The following GRK1 variants were observed in gnomAD, a reference collection of about 807,000 sequenced individuals.
GRK1 encodes the protein rhodopsin kinase GRK1.
A neutral mutation model predicts 41.7 loss-of-function variants in GRK1; 28 were observed. The observed-to-expected ratio is 0.67, with a 90% CI of 0.50 to 0.92. GRK1 has a LOEUF of 0.92. GRK1 is among the 40% of genes least tolerant of loss of function. The pLI is 0.00. For missense variants in GRK1, 703 were observed against 671.2 expected (o/e 1.05, Z -0.52); for synonymous variants, 327 against 286.7 (o/e 1.14, Z -1.42).
chr13:113,663,308 G>T (rs1458883655), upstream of GRK1, among the ~76,000 whole-genome samples: 1 of 152,198 alleles, frequency 6.6e-6, no homozygotes, highest in East Asian at 1.9e-4. Context: ...GGAGGAAAAA[G>T]ACCTTCAACC....
the GRK1 span, chr13:113,657,943 C>T: frequency 8.9e-7 from 1 of 1,119,338 alleles, no homozygotes; most frequent in South Asian, 1.4e-5. Flanking sequence ...GTCAGGGGCC[C>T]TCTGCTCCCC....
intron 4 of GRK1, among the ~76,000 whole-genome samples, chr13:113,729,065 G>A (rs891168510): frequency 2.6e-5 from 4 of 152,162 alleles, no homozygotes; most frequent in African/African-American, 7.2e-5. Context: ...GTCAGGCCGC[G>A]GTGAAGGGAG....
chr13:113,653,689 T>G, the GRK1 span, among the ~76,000 whole-genome samples: 1 of 152,148 alleles, frequency 6.6e-6, no homozygotes, highest in Non-Finnish European at 1.5e-5. Flanking sequence ...TGGCTGGCTC[T>G]CTCCACCGGG....
chr13:113,653,373 A>G, the GRK1 span: 7 of 1,614,096 alleles, frequency 4.3e-6, no homozygotes, highest in African/African-American at 6.7e-5. Context: ...TTCTGTTATC[A>G]GAGACGTTGT....
At chr13:113,656,129 G>A in the GRK1 span, among the ~76,000 whole-genome samples, 2 of 152,178 alleles carry the variant, frequency 1.3e-5, no homozygotes, top group Admixed American at 6.5e-5. Context: ...AGCAGTGTGG[G>A]GCCCGCAGTG....
rs1398661433 is a variant in GRK1 at position 113,731,418 on chromosome 13, G to C, written c.1194+75G>C. 2 of 1,521,156 alleles carry C rather than the reference G, an allele frequency of 1.3e-6. No individual in the cohort carries two copies. The highest frequency in any genetic ancestry group is 8.8e-7 in the Non-Finnish European group (1 of 1,137,234). 94.2% of individuals were successfully genotyped at this position (1,521,156 alleles called of 1,614,324 possible). A position where few individuals can be genotyped will look rare whatever the true frequency, so the allele number is the denominator to read the frequency against. ...CTCGATGGGGACGGGGCAGTGATGG[G>C]ATCGTTACTGGGGCAGACCTGGGAG... On this transcript the variant is annotated intron_variant, in intron 5 of 6. Transcript: ENST00000335678. This position sits in a 1 kb window ranked among gnomAD's most constrained non-coding sequence, Gnocchi z 5.6.
chr13:113,733,697 ATGTGTGCG>A lies in GRK1; in HGVS notation c.1396+621_1396+628del, dbSNP rs1338513480. Among the ~76,000 whole-genome samples the A allele has an allele frequency of 6.9e-5, 7 of 101,046 alleles. 1 individual carries two copies. Among genetic ancestry groups the A allele is most frequent in the East Asian group, 3.0e-4 (1 of 3,346 alleles). The allele number at this position is 101,046 out of a possible 152,430, so 66.3% of individuals were successfully genotyped here. A position where few individuals can be genotyped will look rare whatever the true frequency, so the allele number is the denominator to read the frequency against. Reference sequence around the variant, plus strand: ...CGTGTGTGCATGTATGTGTGCATACATGTGTGCGTGTGTGCGCACGTGTGTGTGCGCGC... The same window carrying A: ...CGTGTGTGCATGTATGTGTGCATACATGTGTGCGCACGTGTGTGTGCGCGC... On this transcript the variant is annotated intron_variant, in intron 6 of 6. Transcript: ENST00000335678.
At chr13:113,664,981 G>A (rs1414028145), upstream of GRK1, among the ~76,000 whole-genome samples, 1 of 152,196 alleles carries the variant, frequency 6.6e-6, no homozygotes, top group East Asian at 1.9e-4. The surrounding 1 kb of genome is among the most constrained non-coding windows in gnomAD (Gnocchi z 5.4). Context: ...ATATTTACTC[G>A]TGATCCACCT....
chr13:113,672,447 G>C, intron 3 of GRK1, among the ~76,000 whole-genome samples: 1 of 152,196 alleles, frequency 6.6e-6, no homozygotes. Context: ...TGTGGTATGT[G>C]TGGTATTGTG....
At chr13:113,650,168 CA>C in the GRK1 span, among the ~76,000 whole-genome samples, 3,808 of 99,846 alleles carry the variant, frequency 0.038, 123 homozygotes, top group African/African-American at 0.1. The surrounding 1 kb of genome is among the most constrained non-coding windows in gnomAD (Gnocchi z 5.0). Flanking sequence ...AAGACTGTCT[CA>C]AAAAAAAAAA....
chr13:113,670,200 G>A (rs1419343228), intron 2 of GRK1, among the ~76,000 whole-genome samples: 1 of 152,150 alleles, frequency 6.6e-6, no homozygotes, highest in East Asian at 1.9e-4. Flanking sequence ...GCTGACCCTA[G>A]AGCTGGAGAC....
At chr13:113,650,530 T>C in the GRK1 span, 2 of 1,595,292 alleles carry the variant, frequency 1.3e-6, no homozygotes, top group African/African-American at 1.3e-5. The surrounding 1 kb of genome is among the most constrained non-coding windows in gnomAD (Gnocchi z 5.0). Context: ...GGCCACTGCC[T>C]GAGTCAGGCG....
Position 113,733,013 on chromosome 13 carries a change from AGAGAT to A in GRK1, c.1329_1333del (p.Glu444LeufsTer14). 6.5e-7 allele frequency: 1 copy of A among 1,537,148 alleles called. No homozygotes were observed. The highest frequency in any genetic ancestry group is 8.7e-7 in the Non-Finnish European group (1 of 1,146,912). ...GGACCCGGAGAAGCGCCTGGGGTTC[AGAGAT>A]GAGACCTGCGACAAGCTCCGTGCCC... On this transcript the variant is annotated frameshift_variant, in exon 6 of 7. Transcript: ENST00000335678. LOFTEE classifies it high-confidence loss of function.
At chr13:113,732,587 C>T (rs1192992203) in intron 5 of GRK1, among the ~76,000 whole-genome samples, 3 of 152,244 alleles carry the variant, frequency 2.0e-5, no homozygotes, top group East Asian at 1.9e-4. Flanking sequence ...GCTGGGCCCG[C>T]GCTGGCCTTC....
At chr13:113,733,596 CAT>C (rs1453399841) in intron 6 of GRK1, among the ~76,000 whole-genome samples, 28 of 143,840 alleles carry the variant, frequency 1.9e-4, no homozygotes, top group Admixed American at 1.7e-3. Context: ...CGTGTGTGTG[CAT>C]GTGTGCGCAT....
chr13:113,651,403 C>T, the GRK1 span, among the ~76,000 whole-genome samples: 1 of 152,226 alleles, frequency 6.6e-6, no homozygotes, highest in Non-Finnish European at 1.5e-5. Flanking sequence ...CACATCGCCA[C>T]CAGGCGTTTT....
At chr13:113,669,957 C>T in intron 2 of GRK1, 143 bp downstream of exon 2, 1 of 1,012,582 alleles carries the variant, frequency 9.9e-7, no homozygotes, top group Non-Finnish European at 1.4e-6. Context: ...TCACAATCCC[C>T]TTCTCGCTGT....
At position 113,667,411 on chromosome 13, in the gene GRK1, G is replaced by C; in HGVS notation, c.25G>C (p.Val9Leu). The change falls in exon 1 of 7, where the codon GTG becomes CTG. Residue 9 changes from valine (V) to leucine (L), a missense_variant. By Grantham distance (32) the Val-to-Leu change is conservative (BLOSUM62 1). Transcript: ENST00000335678. This position sits in a 1 kb window ranked among gnomAD's most constrained non-coding sequence, Gnocchi z 7.5. ...GATGGATTTCGGGTCTTTGGAGACC[G>C]TGGTGGCCAACTCTGCCTTCATCGC... MDFGSLETVVANSAFIAAR... is the reference protein window; with the variant it reads MDFGSLETLVANSAFIAAR... 1.9e-6 allele frequency: 3 copies of C among 1,592,604 alleles called. No homozygotes were observed. Among genetic ancestry groups the C allele is most frequent in the Middle Eastern group, 1.7e-4 (1 of 5,970 alleles).
chr13:113,733,941 T>C (rs973823484), intron 6 of GRK1, among the ~76,000 whole-genome samples: 3 of 139,350 alleles, frequency 2.2e-5, no homozygotes, highest in African/African-American at 9.5e-5. Context: ...TGCATACGTG[T>C]GTGCGTGTGT....
Sources: allele counts gnomAD v4.1 joint callset (sites outside exome capture counted in the v4.1 genomes callset), GRCh38; gene constraint gnomAD v4.1.1; non-coding constraint Gnocchi (gnomAD v3.1); transcripts MANE v1.5; gene names NCBI Gene and HGNC (gene_info 2026-07-23, HGNC 2026-07-21).